MROH1: variants seen among roughly 807,000 people sequenced by gnomAD.
MROH1 encodes the protein maestro heat-like repeat-containing protein family member 1.
MROH1 carries 117 observed loss-of-function variants against 116.5 expected under a neutral mutation model. The observed-to-expected ratio is 1.00, with a 90% CI of 0.86 to 1.17. MROH1 has a LOEUF of 1.17. MROH1 is among the 50% of genes most tolerant of loss of function. MROH1 has a pLI of 0.00. For synonymous variants in MROH1, 921 were observed against 583.9 expected, an observed-to-expected ratio of 1.58 and a Z score of -8.32; for missense variants, 1,873 against 1,338.5, an observed-to-expected ratio of 1.40 and a Z score of -6.23.
At chr8:144,247,748 G>T in intron 31 of MROH1, 69 bp downstream of exon 31, 1 of 705,028 alleles carries the variant, frequency 1.4e-6, no homozygotes, top group Admixed American at 2.0e-5. Context: ...GACTTCCGAG[G>T]TGGCACCTGG....
chr8:144,223,743 G>A (rs1837279168), intron 14 of MROH1, among the ~76,000 whole-genome samples: 1 of 152,210 alleles, frequency 6.6e-6, no homozygotes, highest in African/African-American at 2.4e-5. Flanking sequence ...GTCACCCTGA[G>A]CTGCAGCCCG....
chr8:144,239,026 C>CTCCCCTAGG lies in MROH1; in HGVS notation c.1447-5_1450dup. 9.0e-6 allele frequency: 7 copies of CTCCCCTAGG among 777,674 alleles called. No individual in the cohort carries two copies. Among genetic ancestry groups the CTCCCCTAGG allele is most frequent in the Non-Finnish European group, 1.7e-5 (7 of 417,760 alleles). 48.2% of individuals were successfully genotyped at this position (777,674 alleles called of 1,614,324 possible). On this transcript the variant is annotated splice_polypyrimidine_tract_variant and intron_variant, in intron 15 of 43. Coordinates refer to ENST00000326134, the MANE Select transcript of MROH1 (RefSeq NM_032450.3). ...GGGCGGATGCAGACCAGGCCCTCTG[C>CTCCCCTAGG]TCCCCTAGGTCCTCTGGCCATACCT...
At chr8:144,249,051 G>C in intron 32 of MROH1, 22 bp downstream of exon 32, 2 of 697,836 alleles carry the variant, frequency 2.9e-6, no homozygotes, top group Non-Finnish European at 5.3e-6. Context: ...CGGGGCGCGG[G>C]GGGTGCTCCA....
chr8:144,156,434 C>A (rs999535613), intron 1 of MROH1, among the ~76,000 whole-genome samples: 5 of 151,926 alleles, frequency 3.3e-5, no homozygotes, highest in African/African-American at 1.2e-4. Flanking sequence ...CAGCTGGGCA[C>A]GGTGGCTCAC....
intron 1 of MROH1, among the ~76,000 whole-genome samples, chr8:144,152,555 A>ATTATTATTTTTT (rs1369841266): frequency 7.7e-6 from 1 of 130,526 alleles, no homozygotes; most frequent in African/African-American, 2.8e-5. Flanking sequence ...TATTATTATT[A>ATTATTATTTTTT]TTTTTTTTTT....
chr8:144,172,580 T>G (rs1218811586), intron 4 of MROH1, among the ~76,000 whole-genome samples: 1 of 151,924 alleles, frequency 6.6e-6, no homozygotes, highest in African/African-American at 2.4e-5. Context: ...CCAGCTAATT[T>G]TTGTATTTTT....
At chr8:144,246,027 C>T (rs1166251571) in intron 29 of MROH1, among the ~76,000 whole-genome samples, 1 of 121,138 alleles carries the variant, frequency 8.3e-6, no homozygotes, top group Non-Finnish European at 1.6e-5. Context: ...CCCTCCCTCC[C>T]TCACCTCCCT....
chr8:144,243,026 G>A (rs2132962618), intron 24 of MROH1, among the ~76,000 whole-genome samples: 1 of 152,346 alleles, frequency 6.6e-6, no homozygotes, highest in Admixed American at 6.5e-5. Flanking sequence ...GGCAGTGGAG[G>A]CTCCACTGGC....
At chr8:144,152,413 G>A (rs910483012) in intron 1 of MROH1, among the ~76,000 whole-genome samples, 2 of 151,660 alleles carry the variant, frequency 1.3e-5, no homozygotes, top group Non-Finnish European at 1.5e-5. Flanking sequence ...TTTTTGAGAC[G>A]GAGTCTTGCT....
intron 12 of MROH1, among the ~76,000 whole-genome samples, chr8:144,202,585 G>C (rs1026426121): frequency 1.5e-5 from 2 of 129,402 alleles, no homozygotes; most frequent in East Asian, 3.0e-4. Flanking sequence ...CCCCCTCTGT[G>C]GGGGGGAAAG....
Position 144,258,880 on chromosome 8 carries a change from G to T in MROH1, c.3895G>T (p.Ala1299Ser). The T allele has an allele frequency of 1.3e-6, 1 of 765,026 alleles. No homozygotes were observed. Among genetic ancestry groups the T allele is most frequent in the Non-Finnish European group, 2.4e-6 (1 of 412,226 alleles). The allele number at this position is 765,026 out of a possible 1,614,324, so 47.4% of individuals were successfully genotyped here. ...AGGCTGGGAACTGCTCAGGACCTCG[G>T]CGGGGCATGAGGAGGGGGCCACCAG... The part of the protein sequence containing the change: ...EGGWELLRTS[A>S]GHEEGATRLA... Residue 1299 changes from alanine (A) to serine (S), a missense_variant, in exon 36 of 44, where the codon GCG (alanine) becomes TCG (serine). Transcript: ENST00000326134.
chr8:144,172,429 C>G (rs774699314), intron 4 of MROH1, among the ~76,000 whole-genome samples: 2 of 150,884 alleles, frequency 1.3e-5, no homozygotes, highest in African/African-American at 4.9e-5. Flanking sequence ...TTTTTTCCCC[C>G]GAGAGGGAGT....
chr8:144,209,399 T>C (rs1833593174), intron 12 of MROH1, among the ~76,000 whole-genome samples: 2 of 151,274 alleles, frequency 1.3e-5, no homozygotes, highest in African/African-American at 4.9e-5. Context: ...GCTAACACAG[T>C]GAAACCCCGT....
chr8:144,167,980 G>A (rs1302250739), intron 3 of MROH1, among the ~76,000 whole-genome samples: 2 of 152,156 alleles, frequency 1.3e-5, no homozygotes, highest in African/African-American at 4.8e-5. Flanking sequence ...ATGCCTGCCT[G>A]TGTGGGAGGC....
At chr8:144,221,774 C>T (rs1389375487) in intron 13 of MROH1, among the ~76,000 whole-genome samples, 3 of 152,110 alleles carry the variant, frequency 2.0e-5, no homozygotes, top group Non-Finnish European at 4.4e-5. Flanking sequence ...CCAACCGGCT[C>T]GCTCCTCCAC....
chr8:144,201,499 A>G (rs1831140836), intron 12 of MROH1, among the ~76,000 whole-genome samples: 1 of 152,188 alleles, frequency 6.6e-6, no homozygotes, highest in Admixed American at 6.5e-5. Flanking sequence ...GCCCATGCTC[A>G]TCCTATGAGC....
Position 144,168,360 on chromosome 8 carries a change from A to G in MROH1, c.88A>G (p.Ser30Gly), listed in dbSNP as rs1394804653. 6.2e-7 allele frequency: 1 copy of G among 1,611,294 alleles called. No homozygotes were observed. The highest frequency in any genetic ancestry group is 1.7e-5 in the Admixed American group (1 of 59,998). Residue 30 changes from serine (S) to glycine (G), a missense_variant, in exon 4 of 44, where the codon AGT (serine) becomes GGT (glycine). By Grantham distance (56) the Ser-to-Gly change is moderately conservative. Coordinates refer to ENST00000326134, the MANE Select transcript of MROH1 (RefSeq NM_032450.3). ...KDPLVQEQVC[S>G]ALCSLGEARP... ...CCCCCTGGTGCAGGAGCAGGTCTGCAGTGCCCTGTGCTCCCTCGGGGAGGC... is the reference window on the plus strand; with the variant it reads ...CCCCCTGGTGCAGGAGCAGGTCTGCGGTGCCCTGTGCTCCCTCGGGGAGGC...
intron 7 of MROH1, among the ~76,000 whole-genome samples, chr8:144,183,978 C>T (rs2131411844): frequency 6.6e-6 from 1 of 152,290 alleles, no homozygotes; most frequent in Admixed American, 6.5e-5. Flanking sequence ...TGGGTCAGAG[C>T]CCACCTGTAC....
intron 12 of MROH1, among the ~76,000 whole-genome samples, chr8:144,208,646 A>G (rs1833394718): frequency 6.6e-6 from 1 of 152,132 alleles, no homozygotes; most frequent in South Asian, 2.1e-4. Flanking sequence ...TGAGGCCACA[A>G]TTCAACTTAT....
Sources: allele counts gnomAD v4.1 joint callset (sites outside exome capture counted in the v4.1 genomes callset), GRCh38; gene constraint gnomAD v4.1.1; transcripts MANE v1.5; gene names NCBI Gene and HGNC (gene_info 2026-07-23, HGNC 2026-07-21).